Variants in SGSM1 observed in about 807,000 individuals in gnomAD.
The protein encoded by SGSM1 is small G protein signaling modulator 1.
A neutral mutation model predicts 133.8 loss-of-function variants in SGSM1; 73 were observed. That is an observed-to-expected ratio of 0.55 (90% CI 0.45 to 0.66). The LOEUF (loss-of-function observed/expected upper bound fraction) is 0.66. Ranked by LOEUF, SGSM1 falls within the 30% of genes least tolerant of loss-of-function variation. The probability of loss-of-function intolerance (pLI) is 0.00; values close to 1 mark genes in which losing one functional copy is unlikely to be tolerated. For missense variants in SGSM1, 1,213 were observed against 1,448.1 expected (o/e 0.84, Z 2.64); for synonymous variants, 563 against 573.0 (o/e 0.98, Z 0.25).
chr22:24,863,169 T>A (rs1389984179), intron 9 of SGSM1, among the ~76,000 whole-genome samples: 1 of 152,164 alleles, frequency 6.6e-6, no homozygotes, highest in Non-Finnish European at 1.5e-5. Flanking sequence ...TGTTTGTTTG[T>A]TTTCTTGAGA....
At chr22:24,835,987 G>C (rs60847227) in intron 2 of SGSM1, among the ~76,000 whole-genome samples, 22,766 of 152,074 alleles carry the variant, frequency 0.15, 1,968 homozygotes, top group East Asian at 0.21. Context: ...TATAAAATGT[G>C]CCTTCTTAAC....
At chr22:24,917,539 T>C in intron 22 of SGSM1, 119 bp from the exon 23 acceptor site, 1 of 588,328 alleles carries the variant, frequency 1.7e-6, no homozygotes, top group Non-Finnish European at 2.9e-6. Flanking sequence ...TTTTAAACTG[T>C]AACTGGCTGT....
At chr22:24,845,941 TTTTCTTTCTTTC>T (rs200470528) in intron 3 of SGSM1, among the ~76,000 whole-genome samples, 5,501 of 115,528 alleles carry the variant, frequency 0.048, 150 homozygotes, top group East Asian at 0.056. Context: ...TTTTCTTTTC[TTTTCTTTCTTTC>T]TTTCTTTCTT....
At chr22:24,824,922 G>A (rs1272825219) in intron 2 of SGSM1, among the ~76,000 whole-genome samples, 1 of 152,222 alleles carries the variant, frequency 6.6e-6, no homozygotes, top group Non-Finnish European at 1.5e-5. Context: ...TGCGAGGACA[G>A]GGACCATGTC....
chr22:24,843,071 G>A (rs1484432440), intron 2 of SGSM1, among the ~76,000 whole-genome samples: 1 of 152,142 alleles, frequency 6.6e-6, no homozygotes, highest in Non-Finnish European at 1.5e-5. Context: ...TTTCTACTCT[G>A]CTCCTTCCTA....
At chr22:24,897,835 A>G (rs981018045) in intron 18 of SGSM1, 137 bp from the exon 19 acceptor site, 2 of 751,308 alleles carry the variant, frequency 2.7e-6, no homozygotes, top group Non-Finnish European at 4.4e-6. Flanking sequence ...CGTTCTTTTC[A>G]CTGACTGTAT....
chr22:24,876,138 T>C (rs571942657), intron 12 of SGSM1, among the ~76,000 whole-genome samples: 313 of 152,356 alleles, frequency 2.1e-3, no homozygotes, highest in Non-Finnish European at 2.9e-3. Context: ...ACTGGGTCTC[T>C]GGCACTTGGG....
intron 20 of SGSM1, among the ~76,000 whole-genome samples, chr22:24,902,492 T>C (rs1933202732): frequency 6.6e-6 from 1 of 152,078 alleles, no homozygotes; most frequent in African/African-American, 2.4e-5. Flanking sequence ...CCTGGCAACA[T>C]AGTGAGACCC....
chr22:24,911,475 C>T (rs1933620687), intron 21 of SGSM1, among the ~76,000 whole-genome samples: 1 of 151,918 alleles, frequency 6.6e-6, no homozygotes, highest in African/African-American at 2.4e-5. Flanking sequence ...ACACTTTAGA[C>T]ACGGACTGCA....
chr22:24,858,705 G>C (rs373781356), intron 8 of SGSM1, among the ~76,000 whole-genome samples: 12 of 150,828 alleles, frequency 8.0e-5, no homozygotes, highest in Non-Finnish European at 5.9e-5. Flanking sequence ...GATGAATTAC[G>C]TGCCTGCCTT....
At chr22:24,892,678 T>C (rs780145952) in intron 16 of SGSM1, among the ~76,000 whole-genome samples, 4 of 151,878 alleles carry the variant, frequency 2.6e-5, no homozygotes, top group Non-Finnish European at 5.9e-5. Flanking sequence ...TAGGTACTTA[T>C]CAAATTGAGT....
At chr22:24,891,660 T>G (rs1409929405) in intron 16 of SGSM1, among the ~76,000 whole-genome samples, 1 of 152,072 alleles carries the variant, frequency 6.6e-6, no homozygotes, top group African/African-American at 2.4e-5. Context: ...CAGAAGCACA[T>G]TAGGTGAGGT....
chr22:24,855,882 G>C (rs2147853867), intron 8 of SGSM1: 3 of 777,712 alleles, frequency 3.9e-6, no homozygotes, highest in Non-Finnish European at 6.5e-6. Context: ...TCCACCCATT[G>C]TTATATCCAT....
intron 15 of SGSM1, among the ~76,000 whole-genome samples, chr22:24,884,534 A>G (rs1255098904): frequency 2.0e-5 from 3 of 152,234 alleles, no homozygotes; most frequent in Non-Finnish European, 4.4e-5. Flanking sequence ...AGGAGGGTGG[A>G]TCACTTGAGG....
At position 24,919,828 on chromosome 22, in the gene SGSM1, C is replaced by T. The variant is rs2123749363; in HGVS notation, c.3028C>T (p.Leu1010Phe). 6.2e-7 allele frequency: 1 copy of T among 1,613,974 alleles called. No individual in the cohort carries two copies. Among genetic ancestry groups the T allele is most frequent in the East Asian group, 2.2e-5 (1 of 44,882 alleles). The change falls in exon 24 of 25, where the codon CTC becomes TTC. Residue 1010 changes from leucine (L) to phenylalanine (F), a missense_variant and splice_region_variant. Physicochemically the swap from Leu to Phe is conservative, Grantham distance 22. Coordinates refer to ENST00000400358, the MANE Select transcript of SGSM1 (RefSeq NM_001098497.3). ...CATGTGTGTTGGTGTCTTGGCAGAA[C>T]TCGTCTATGATGACGTCTTCTTGGT... Reference protein sequence around the residue: ...RWFLLDFKRELVYDDVFLVWE... With the variant: ...RWFLLDFKREFVYDDVFLVWE...
rs1429273373 is a variant in SGSM1, at chr22:24,898,434, G to C, written c.2485G>C (p.Asp829His). ...CGAGACAGAGAAACATGGCCAGGCG[G>C]ACAGTGAGGACAACCTCTCGGAGGA... ...SSETEKHGQA[D>H]SEDNLSEEPE... The change falls in exon 19 of 25, where the codon GAC (aspartate) becomes CAC (histidine). Residue 829 changes from aspartate to histidine, a missense_variant. Coordinates refer to ENST00000400358, the MANE Select transcript of SGSM1 (RefSeq NM_001098497.3). The C allele has an allele frequency of 6.2e-7, 1 of 1,613,902 alleles. No homozygotes were observed. The highest frequency in any genetic ancestry group is 1.7e-5 in the Admixed American group (1 of 60,024).
chr22:24,900,639 C>T (rs922321124), intron 19 of SGSM1, among the ~76,000 whole-genome samples: 1 of 152,024 alleles, frequency 6.6e-6, no homozygotes. Flanking sequence ...TCAAGTGATC[C>T]GCCCGCCTCG....
intron 13 of SGSM1, among the ~76,000 whole-genome samples, chr22:24,878,170 C>T (rs1932128375): frequency 6.6e-6 from 1 of 152,262 alleles, no homozygotes; most frequent in Non-Finnish European, 1.5e-5. Context: ...CATATCAGTT[C>T]CTGGACTATT....
At chr22:24,897,643 A>AT (rs148673989) in intron 18 of SGSM1, among the ~76,000 whole-genome samples, 8,522 of 151,898 alleles carry the variant, frequency 0.056, 811 homozygotes, top group African/African-American at 0.2. Flanking sequence ...AATTTTTTGT[A>AT]TTTTTTGCAG....
Sources: gnomAD v4.1 joint callset for allele counts (sites outside exome capture counted in the v4.1 genomes callset) on GRCh38, gnomAD v4.1.1 for gene constraint, MANE v1.5 for transcripts, NCBI Gene and HGNC (gene_info 2026-07-23, HGNC 2026-07-21) for gene names.